MAP4K4: variants seen among roughly 807,000 people sequenced by gnomAD.
MAP4K4 encodes HPK/GCK-like kinase HGK.
Under a neutral mutation model 189.6 loss-of-function variants are expected in MAP4K4, and 38 were observed. That is an observed-to-expected ratio of 0.20 (90% CI 0.15 to 0.26). The LOEUF is 0.26. Among genes scored for constraint, MAP4K4 ranks in the 10% least tolerant of loss-of-function variants. The pLI, the probability that MAP4K4 is intolerant of heterozygous loss-of-function variation, is 1.00. For synonymous variants in MAP4K4, 610 were observed against 624.3 expected (o/e 0.98, Z 0.34); for missense variants, 1,054 against 1,726.9 (o/e 0.61, Z 6.91).
At chr2:101,733,945 C>G (rs1349958099) in intron 2 of MAP4K4, among the ~76,000 whole-genome samples, 1 of 152,210 alleles carries the variant, frequency 6.6e-6, no homozygotes, top group Non-Finnish European at 1.5e-5. Context: ...CCACAGCAGT[C>G]CTGACCTCAG....
At chr2:101,763,536 C>T (rs775902407) in intron 2 of MAP4K4, among the ~76,000 whole-genome samples, 14 of 152,136 alleles carry the variant, frequency 9.2e-5, no homozygotes, top group Admixed American at 3.9e-4. Flanking sequence ...AAAGAATTAA[C>T]CAGAGTTGTT....
intron 2 of MAP4K4, among the ~76,000 whole-genome samples, chr2:101,772,153 T>G (rs2081788873): frequency 6.6e-6 from 1 of 152,252 alleles, no homozygotes; most frequent in Non-Finnish European, 1.5e-5. Context: ...GGACTCAACT[T>G]GGGCATGGCC....
At chr2:101,751,474 G>A (rs1380212048) in intron 2 of MAP4K4, among the ~76,000 whole-genome samples, 1 of 152,136 alleles carries the variant, frequency 6.6e-6, no homozygotes, top group Admixed American at 6.5e-5. Flanking sequence ...TGTAAAATGG[G>A]ACTCAGACAA....
chr2:101,730,061 C>A (rs2057717007), intron 2 of MAP4K4, among the ~76,000 whole-genome samples: 1 of 152,138 alleles, frequency 6.6e-6, no homozygotes. Context: ...AGTCCAGGGG[C>A]CCTCTCCTTA....
intron 3 of MAP4K4, among the ~76,000 whole-genome samples, chr2:101,814,065 C>G (rs1284345438): frequency 2.0e-5 from 3 of 152,170 alleles, no homozygotes; most frequent in Non-Finnish European, 4.4e-5. Context: ...GGCATGATGA[C>G]TGGTGCCATC....
chr2:101,873,983 G>A (rs1352291207), intron 25 of MAP4K4, 99 bp from the exon 26 acceptor site: 5 of 1,067,610 alleles, frequency 4.7e-6, no homozygotes, highest in Non-Finnish European at 6.8e-6. Flanking sequence ...CAAAGTGTTG[G>A]TTATACCACA....
exon 26 of MAP4K4, chr2:101,874,116 C>T (rs187794893): frequency 4.1e-5 from 66 of 1,613,772 alleles, no homozygotes; most frequent in Admixed American, 2.7e-4. Context: ...GACCAGAAGC[C>T]ATAAGGCAAG....
At chr2:101,791,919 C>T (rs1377677383) in intron 3 of MAP4K4, among the ~76,000 whole-genome samples, 2 of 152,042 alleles carry the variant, frequency 1.3e-5, no homozygotes, top group African/African-American at 4.8e-5. Context: ...GAAAATGTAC[C>T]GTTGCTTAGT....
At chr2:101,790,069 A>AC (rs1363602182) in intron 2 of MAP4K4, among the ~76,000 whole-genome samples, 4 of 152,126 alleles carry the variant, frequency 2.6e-5, no homozygotes, top group Non-Finnish European at 5.9e-5. Flanking sequence ...TTAAAAAAAG[A>AC]ATTTGTTTGA....
At chr2:101,729,822 C>T (rs1422751194) in intron 2 of MAP4K4, among the ~76,000 whole-genome samples, 4 of 152,222 alleles carry the variant, frequency 2.6e-5, no homozygotes, top group Non-Finnish European at 5.9e-5. Context: ...GTTACAGCTC[C>T]TGTCTTCTCC....
At chr2:101,767,833 C>G (rs900079117) in intron 2 of MAP4K4, among the ~76,000 whole-genome samples, 2 of 152,278 alleles carry the variant, frequency 1.3e-5, no homozygotes, top group East Asian at 3.9e-4. Context: ...GCTGGGCCTG[C>G]TAATAACTGG....
At chr2:101,831,201 C>G (rs1361098855) in intron 6 of MAP4K4, among the ~76,000 whole-genome samples, 2 of 151,970 alleles carry the variant, frequency 1.3e-5, no homozygotes, top group African/African-American at 4.8e-5. Flanking sequence ...GCAGAAGTTC[C>G]AAGTGCTTTA....
intron 2 of MAP4K4, among the ~76,000 whole-genome samples, chr2:101,768,666 G>A (rs1305575001): frequency 1.3e-5 from 2 of 152,114 alleles, no homozygotes; most frequent in Non-Finnish European, 2.9e-5. Context: ...TGTTAGTGAG[G>A]TTAGGTGAGC....
At chr2:101,870,864 G>A (rs967837321) in intron 23 of MAP4K4, among the ~76,000 whole-genome samples, 6 of 152,180 alleles carry the variant, frequency 3.9e-5, no homozygotes, top group Non-Finnish European at 7.3e-5. Context: ...CAGGCCCAGA[G>A]ACTCGGAGAG....
chr2:101,758,706 A>G (rs560800860), intron 2 of MAP4K4, among the ~76,000 whole-genome samples: 1 of 152,312 alleles, frequency 6.6e-6, no homozygotes, highest in African/African-American at 2.4e-5. Context: ...GGTCTAAAGA[A>G]AGGAAAGAAA....
chr2:101,785,698 C>CTTT (rs1558913722), intron 2 of MAP4K4, among the ~76,000 whole-genome samples: 1 of 3,990 alleles, frequency 2.5e-4, no homozygotes, highest in Admixed American at 2.1e-3. Flanking sequence ...CTCTCTCTCT[C>CTTT]TCTCTCTCTC....
At chr2:101,815,779 TGTGAATGACGA>T (rs2095673830) in intron 3 of MAP4K4, among the ~76,000 whole-genome samples, 1 of 152,202 alleles carries the variant, frequency 6.6e-6, no homozygotes, top group Non-Finnish European at 1.5e-5. Context: ...TTCTGAGTCC[TGTGAATGACGA>T]GTTTTTCCAA....
intron 2 of MAP4K4, among the ~76,000 whole-genome samples, chr2:101,755,342 C>G (rs968975175): frequency 6.6e-6 from 1 of 152,168 alleles, no homozygotes; most frequent in Non-Finnish European, 1.5e-5. Context: ...GAATAAATAA[C>G]TGCTTAAATA....
chr2:101,740,161 T>TCCCCTCAA (rs1353029035), intron 2 of MAP4K4, among the ~76,000 whole-genome samples: 1 of 115,046 alleles, frequency 8.7e-6, no homozygotes, highest in African/African-American at 6.6e-5. Flanking sequence ...CTTTTTTTTT[T>TCCCCTCAA]TTTTTTTTTT....
Sources: gnomAD v4.1 joint callset for allele counts (sites outside exome capture counted in the v4.1 genomes callset) on GRCh38, gnomAD v4.1.1 for gene constraint, MANE v1.5 for transcripts, NCBI Gene and HGNC (gene_info 2026-07-23, HGNC 2026-07-21) for gene names.